Variants in GCG observed in about 807,000 individuals in gnomAD.
GCG encodes pro-glucagon.
Under a neutral mutation model 22.8 loss-of-function variants are expected in GCG, and 11 were observed. The observed-to-expected ratio is 0.48, with a 90% CI of 0.30 to 0.80. The LOEUF is 0.80. Ranked by LOEUF, GCG falls within the 30% of genes least tolerant of loss-of-function variation. The pLI is 0.06. For synonymous variants in GCG, 89 were observed against 72.4 expected (o/e 1.23, Z -1.16); for missense variants, 222 against 222.0 (o/e 1.00, Z 0.00).
At chr2:162,149,496 C>T (rs1233358736) in intron 1 of GCG, among the ~76,000 whole-genome samples, 1 of 152,088 alleles carries the variant, frequency 6.6e-6, no homozygotes, top group East Asian at 1.9e-4. Context: ...AAAATGTCCA[C>T]AATCAACATT....
In GCG at chr2:162,147,205, G is replaced by C; in HGVS notation, c.254+148C>G. 4.5e-6 allele frequency: 3 copies of C among 672,776 alleles called. No homozygotes were observed. The South Asian group carries it at 5.5e-5, about 12-fold the overall frequency. 41.7% of individuals were successfully genotyped at this position (672,776 alleles called of 1,614,324 possible). On this transcript the variant is annotated intron_variant, in intron 3 of 5. Coordinates refer to ENST00000418842, the MANE Select transcript of GCG (RefSeq NM_002054.5). ...AGACATTCGGGGGCATAATACTAAGGAGAGCATCCCCAACCCTAAACATCT... is the reference window on the plus strand; with the variant it reads ...AGACATTCGGGGGCATAATACTAAGCAGAGCATCCCCAACCCTAAACATCT...
chr2:162,147,847 TAA>T (rs900153329), intron 2 of GCG, among the ~76,000 whole-genome samples: 6 of 152,154 alleles, frequency 3.9e-5, no homozygotes, highest in African/African-American at 9.6e-5. Flanking sequence ...TTGAATATTT[TAA>T]AAGAGTGAAG....
At chr2:162,146,032 G>C (rs1445506401) in intron 3 of GCG, among the ~76,000 whole-genome samples, 1 of 152,198 alleles carries the variant, frequency 6.6e-6, no homozygotes, top group Non-Finnish European at 1.5e-5. Flanking sequence ...CAAGGCAGCT[G>C]TTTGTTATTA....
Position 162,147,402 on chromosome 2 carries a change from T to C in GCG, c.205A>G (p.Arg69Gly), listed in dbSNP as rs775573054. 2.5e-5 allele frequency: 41 copies of C among 1,613,064 alleles called. No homozygotes were observed. The highest frequency in any genetic ancestry group is 5.9e-6 in the Non-Finnish European group (7 of 1,179,278). Residue 69 changes from arginine to glycine, a missense_variant, in exon 3 of 6, where the codon AGG becomes GGG. Arg to Gly is a moderately radical substitution (Grantham distance 125). Coordinates refer to ENST00000418842, the MANE Select transcript of GCG (RefSeq NM_002054.5). ...TSDYSKYLDS[R>G]RAQDFVQWLM... ...CACTGCACAAAATCTTGGGCACGCC[T>C]GGAGTCCAGATACTTGCTGTAGTCA...
chr2:162,143,516 TA>T (rs914983551), intron 5 of GCG, 146 bp from the exon 6 acceptor site: 1 of 458,320 alleles, frequency 2.2e-6, no homozygotes, highest in African/African-American at 2.0e-5. Flanking sequence ...TTTGGACTCT[TA>T]AAATATTTTC....
chr2:162,146,275 T>C (rs899847668), intron 3 of GCG, among the ~76,000 whole-genome samples: 10 of 152,160 alleles, frequency 6.6e-5, no homozygotes, highest in African/African-American at 2.4e-4. Flanking sequence ...TATCACCTCA[T>C]TTTAAACACA....
rs115158512 is a variant in GCG, at chr2:162,150,227, A to G, written c.-9-1040T>C. Among the ~76,000 whole-genome samples, 972 of 152,252 alleles carry G rather than the reference A, an allele frequency of 6.4e-3. 16 individuals carry two copies. Among genetic ancestry groups the G allele is most frequent in the African/African-American group, 0.022 (935 of 41,558 alleles). ...TGGATCTCGGCTACTTTGAAACCCA[A>G]TGGTGTTTCCTTTGAGAAGCGGGCA... On this transcript the variant is annotated intron_variant, in intron 1 of 5. Transcript: ENST00000418842.
Position 162,145,535 on chromosome 2 carries a change from C to A in GCG, c.392+5G>T. The A allele has an allele frequency of 6.2e-7, 1 of 1,605,298 alleles. No individual in the cohort carries two copies. Among genetic ancestry groups the A allele is most frequent in the South Asian group, 1.1e-5 (1 of 88,948 alleles). ...AAAATGTCAAATAAGAATGTACAGA[C>A]TTACTCTCGCCTTCCTCGGCCTTTC... On this transcript the variant is annotated splice_donor_5th_base_variant and intron_variant, in intron 4 of 5. Coordinates refer to ENST00000418842, the MANE Select transcript of GCG (RefSeq NM_002054.5).
chr2:162,143,608 T>A lies in GCG; in HGVS notation c.537-238A>T, dbSNP rs141096554. 4.9e-4 allele frequency among the ~76,000 whole-genome samples: 74 copies of A among 152,296 alleles called. No individual in the cohort carries two copies. In the East Asian group the frequency reaches 0.012, roughly 25 times the overall value. On this transcript the variant is annotated intron_variant, in intron 5 of 5. Transcript: ENST00000418842. ...ATAATTATTAAAAAATCAAAATTCA[T>A]CAAGATAAGTATTTTTCGGTGTCCA... is the stretch of plus-strand genomic sequence containing the variant.
chr2:162,144,104 A>ATCAGC lies in GCG; in HGVS notation c.458_459insGCTGA (p.Asp153GlufsTer5), dbSNP rs1686621824. On this transcript the variant is annotated frameshift_variant, in exon 5 of 6. Transcript: ENST00000418842. LOFTEE classifies it high-confidence loss of function. The stretch of plus-strand genomic sequence containing the variant: ...GATTATCAAGAATGGTGTTCATCTC[A>ATCAGC]TCAGAGAAAGAACCATCAGCATGTC... 1 of 1,611,388 alleles carries ATCAGC rather than the reference A, an allele frequency of 6.2e-7. No homozygotes were observed. The highest frequency in any genetic ancestry group is 1.7e-5 in the Admixed American group (1 of 59,932).
intron 2 of GCG, among the ~76,000 whole-genome samples, chr2:162,147,966 G>A (rs1686735104): frequency 6.6e-6 from 1 of 152,094 alleles, no homozygotes; most frequent in Non-Finnish European, 1.5e-5. Context: ...GCTAGCAGTG[G>A]AAGGAAGACA....
intron 1 of GCG, among the ~76,000 whole-genome samples, chr2:162,150,313 T>A (rs1378067608): frequency 6.6e-6 from 1 of 152,170 alleles, no homozygotes; most frequent in Non-Finnish European, 1.5e-5. Flanking sequence ...TTTTAGCAAA[T>A]GACATTTGGT....
At chr2:162,148,285 A>G (rs1686745028) in intron 2 of GCG, among the ~76,000 whole-genome samples, 1 of 152,168 alleles carries the variant, frequency 6.6e-6, no homozygotes. Context: ...CCTTTGACAC[A>G]GTATTTCTAC....
chr2:162,151,602 T>A (rs1686838586), intron 1 of GCG, among the ~76,000 whole-genome samples: 2 of 152,150 alleles, frequency 1.3e-5, no homozygotes, highest in African/African-American at 2.4e-5. Context: ...CCAAGTACGC[T>A]ATGTTTTATT....
At chr2:162,149,870 G>A (rs1375565003) in intron 1 of GCG, among the ~76,000 whole-genome samples, 1 of 152,126 alleles carries the variant, frequency 6.6e-6, no homozygotes, top group Non-Finnish European at 1.5e-5. Context: ...TTCTGGCAAC[G>A]TGAACAATCA....
Position 162,149,139 on chromosome 2 carries a change from G to A in GCG, c.40C>T (p.Leu14=), listed in dbSNP as rs752849516. 3 of 1,612,106 alleles carry A rather than the reference G, an allele frequency of 1.9e-6. No homozygotes were observed. Among genetic ancestry groups the A allele is most frequent in the South Asian group, 1.1e-5 (1 of 91,012 alleles). ...IYFVAGLFVM[L]VQGSWQRSLQ... ...GAACGTTGCCAGCTGCCTTGTACCA[G>A]CATTACAAATAATCCAGCCACAAAG... Residue 14 remains leucine, a synonymous_variant, in exon 2 of 6, where the codon CTG becomes TTG. Coordinates refer to ENST00000418842, the MANE Select transcript of GCG (RefSeq NM_002054.5).
At chr2:162,145,758 G>C in intron 3 of GCG, 81 bp from the exon 4 acceptor site, 1 of 1,204,950 alleles carries the variant, frequency 8.3e-7, no homozygotes, top group South Asian at 1.5e-5. Flanking sequence ...GCAACTTTGG[G>C]TTCAGGATTC....
rs141239775 is a variant in GCG, at chr2:162,149,008, C to A, written c.92+79G>T. 988 of 812,932 alleles carry A rather than the reference C, an allele frequency of 1.2e-3. 14 individuals are homozygous for A. The African/African-American group carries it at 0.015, about 12-fold the overall frequency. 50.4% of individuals were successfully genotyped at this position (812,932 alleles called of 1,614,324 possible). On this transcript the variant is annotated intron_variant, in intron 2 of 5. Coordinates refer to ENST00000418842, the MANE Select transcript of GCG (RefSeq NM_002054.5). ...GAATATTTATTCTAAATTACTGAGA[C>A]CTTATTCACTAATCATAGTTTTCAC...
Position 162,150,710 on chromosome 2 carries a change from A to T in GCG, c.-10+1448T>A, listed in dbSNP as rs182001667. On this transcript the variant is annotated intron_variant, in intron 1 of 5. Transcript: ENST00000418842. The stretch of plus-strand genomic sequence containing the variant: ...AAAGTAAGCACTTCTTTTAAAAATT[A>T]TACCACTGTTGAAAAGTTTCTTGTA... Among the ~76,000 whole-genome samples the T allele has an allele frequency of 8.5e-5, 13 of 152,292 alleles. No individual in the cohort carries two copies. The East Asian group carries it at 2.3e-3, about 27-fold the overall frequency.
Sources: allele counts gnomAD v4.1 joint callset (sites outside exome capture counted in the v4.1 genomes callset), GRCh38; gene constraint gnomAD v4.1.1; transcripts MANE v1.5; gene names NCBI Gene and HGNC (gene_info 2026-07-23, HGNC 2026-07-21).